Variants in PTPRD observed in about 807,000 individuals in gnomAD.
PTPRD encodes protein tyrosine phosphatase receptor type D, also known as receptor-type tyrosine-protein phosphatase delta.
In PTPRD, 34 loss-of-function variants were observed where a neutral mutation model predicts 214.5. The ratio of observed to expected loss-of-function variants is 0.16; its 90% CI spans 0.12 to 0.21. The LOEUF (loss-of-function observed/expected upper bound fraction) is 0.21, where lower values mean the gene tolerates loss of function less well. Among genes scored for constraint, PTPRD ranks in the 10% least tolerant of loss-of-function variants. The pLI, the probability that PTPRD is intolerant of heterozygous loss-of-function variation, is 1.00. For synonymous variants in PTPRD, 1,128 were observed against 845.7 expected (o/e 1.33, Z -5.79); for missense variants, 2,545 against 2,398.7 (o/e 1.06, Z -1.27).
intron 34 of PTPRD, among the ~76,000 whole-genome samples, chr9:8,441,650 A>G (rs1181551488): frequency 6.6e-6 from 1 of 152,090 alleles, no homozygotes; most frequent in Non-Finnish European, 1.5e-5. Flanking sequence ...AAGGCAATGG[A>G]CTAGATACTG....
intron 11 of PTPRD, among the ~76,000 whole-genome samples, chr9:8,969,007 G>A (rs930355578): frequency 5.9e-5 from 9 of 152,048 alleles, no homozygotes; most frequent in South Asian, 4.2e-4. Context: ...AAGCAAGTCC[G>A]ATTAATTAAG....
intron 5 of PTPRD, among the ~76,000 whole-genome samples, chr9:9,796,188 C>G (rs2099001299): frequency 6.6e-6 from 1 of 152,098 alleles, no homozygotes; most frequent in South Asian, 2.1e-4. Context: ...AACACAAATC[C>G]TTTCCTCAGT....
rs919160207 is a variant in PTPRD, at chr9:9,425,473, A to C, written c.-236-27991T>G. On this transcript the variant is annotated intron_variant, in intron 8 of 45. Coordinates refer to ENST00000381196, the MANE Select transcript of PTPRD (RefSeq NM_002839.4). ...TATAATATAAAATATATAATTATAT[A>C]TATATGTTTGGTGCAAAAGTAATTG... Among the ~76,000 whole-genome samples, 4 of 147,736 alleles carry C rather than the reference A, an allele frequency of 2.7e-5. No homozygotes were observed. The South Asian group carries it at 8.3e-4, about 31-fold the overall frequency.
At chr9:9,702,652 G>A (rs1053646041) in intron 7 of PTPRD, among the ~76,000 whole-genome samples, 11 of 152,130 alleles carry the variant, frequency 7.2e-5, no homozygotes, top group Admixed American at 1.3e-4. Context: ...TCAGAAAAAC[G>A]TGTTTCTTGA....
At chr9:8,658,267 T>C (rs1042978755) in intron 12 of PTPRD, among the ~76,000 whole-genome samples, 4 of 152,196 alleles carry the variant, frequency 2.6e-5, no homozygotes, top group Admixed American at 2.6e-4. Context: ...TGGAAGTTTA[T>C]ATGTAAATAG....
chr9:9,919,027 T>G (rs1262939124), intron 5 of PTPRD, among the ~76,000 whole-genome samples: 1 of 152,166 alleles, frequency 6.6e-6, no homozygotes, highest in Non-Finnish European at 1.5e-5. Context: ...GTTGAGGAGA[T>G]AGAATAACAT....
At chr9:9,037,085 C>T (rs895427987) in intron 10 of PTPRD, among the ~76,000 whole-genome samples, 4 of 152,068 alleles carry the variant, frequency 2.6e-5, no homozygotes, top group Admixed American at 6.6e-5. Context: ...TTAAGAAACC[C>T]GTTAATAACA....
intron 3 of PTPRD, among the ~76,000 whole-genome samples, chr9:10,077,807 T>C (rs2098158615): frequency 6.6e-6 from 1 of 151,678 alleles, no homozygotes; most frequent in Non-Finnish European, 1.5e-5. Flanking sequence ...TCCAACCATG[T>C]TGCTGCAAAG....
chr9:9,340,305 C>G (rs982019158), intron 9 of PTPRD, among the ~76,000 whole-genome samples: 1 of 152,092 alleles, frequency 6.6e-6, no homozygotes, highest in East Asian at 1.9e-4. Context: ...GAATGAAATC[C>G]AAGACTATAA....
At chr9:9,888,227 G>T (rs2071723117) in intron 5 of PTPRD, among the ~76,000 whole-genome samples, 1 of 152,176 alleles carries the variant, frequency 6.6e-6, no homozygotes, top group South Asian at 2.1e-4. Flanking sequence ...TGTCAGTGAA[G>T]TGAAAGTAGA....
intron 3 of PTPRD, among the ~76,000 whole-genome samples, chr9:10,146,552 G>A (rs1030392603): frequency 1.3e-5 from 2 of 152,066 alleles, no homozygotes; most frequent in African/African-American, 4.8e-5. Context: ...TAGGTAAGTT[G>A]TATTAACATG....
At chr9:8,794,606 GTA>G (rs2096352536) in intron 11 of PTPRD, among the ~76,000 whole-genome samples, 1 of 149,080 alleles carries the variant, frequency 6.7e-6, no homozygotes, top group Admixed American at 6.8e-5. Context: ...AGCCTCCCAA[GTA>G]GCTGGAGCTA....
chr9:10,093,728 T>G (rs1430811922), intron 3 of PTPRD, among the ~76,000 whole-genome samples: 1 of 151,264 alleles, frequency 6.6e-6, no homozygotes, highest in Admixed American at 6.6e-5. Flanking sequence ...TAAACAAAAT[T>G]TGATACATCT....
intron 4 of PTPRD, among the ~76,000 whole-genome samples, chr9:10,031,502 T>C (rs897727728): frequency 2.0e-5 from 3 of 151,452 alleles, no homozygotes; most frequent in Admixed American, 1.3e-4. Flanking sequence ...CTTCCTGCCC[T>C]GGAACATCGG....
At chr9:8,511,499 C>A (rs565201709) in intron 21 of PTPRD, among the ~76,000 whole-genome samples, 48 of 151,272 alleles carry the variant, frequency 3.2e-4, no homozygotes, top group African/African-American at 1.1e-3. Flanking sequence ...TTATTTTATT[C>A]AAGAGTTTTT....
intron 7 of PTPRD, among the ~76,000 whole-genome samples, chr9:9,669,481 G>A (rs1301357418): frequency 2.6e-5 from 4 of 152,070 alleles, no homozygotes; most frequent in Non-Finnish European, 5.9e-5. Context: ...TGCTTTAGAA[G>A]GAATAAAGAC....
intron 9 of PTPRD, among the ~76,000 whole-genome samples, chr9:9,289,048 T>C (rs1013097230): frequency 6.6e-6 from 1 of 151,844 alleles, no homozygotes; most frequent in Admixed American, 6.6e-5. Flanking sequence ...CATGTCTTTA[T>C]TAACAGCATG....
intron 10 of PTPRD, among the ~76,000 whole-genome samples, chr9:9,151,303 G>A (rs926926832): frequency 2.0e-5 from 3 of 152,148 alleles, no homozygotes; most frequent in African/African-American, 4.8e-5. Flanking sequence ...CAAAAGCAAT[G>A]ATATTGCACA....
intron 2 of PTPRD, among the ~76,000 whole-genome samples, chr9:10,490,423 A>T (rs2132646660): frequency 6.6e-6 from 1 of 152,296 alleles, no homozygotes; most frequent in African/African-American, 2.4e-5. Flanking sequence ...TCCTAATAGA[A>T]GGTCTTGTAT....
Sources: gnomAD v4.1 joint callset for allele counts (sites outside exome capture counted in the v4.1 genomes callset) on GRCh38, gnomAD v4.1.1 for gene constraint, MANE v1.5 for transcripts, NCBI Gene and HGNC (gene_info 2026-07-23, HGNC 2026-07-21) for gene names.